Variants in DNAH9 observed in about 807,000 individuals in gnomAD.
The protein encoded by DNAH9 is DNAH9 variant protein.
In DNAH9, 345 loss-of-function variants were observed where a neutral mutation model predicts 471.6. The observed-to-expected ratio is 0.73, with a 90% CI of 0.67 to 0.80. DNAH9 has a LOEUF of 0.80. Among genes scored for constraint, DNAH9 ranks in the 30% least tolerant of loss-of-function variants. The pLI is 0.00. For synonymous variants in DNAH9, 2,093 were observed against 2,123.6 expected, an observed-to-expected ratio of 0.99 and a Z score of 0.40; for missense variants, 5,407 against 5,609.2, an observed-to-expected ratio of 0.96 and a Z score of 1.15.
Position 11,969,302 on chromosome 17 carries a change from T to C in DNAH9, c.13236T>C (p.Ala4412=). The C allele has an allele frequency of 6.2e-7, 1 of 1,613,838 alleles. No homozygotes were observed. The highest frequency in any genetic ancestry group is 8.5e-7 in the Non-Finnish European group (1 of 1,179,888). The part of the protein sequence containing the change: ...FMEGACWDTQ[A]GIITEAKLKD... The stretch of plus-strand genomic sequence containing the variant: ...CTCTTCTCATGTTTTATCCTCAGGC[T>C]GGGATCATTACAGAGGCAAAGCTGA... Residue 4412 remains alanine (A), a splice_region_variant and synonymous_variant, in exon 69 of 69, where the codon GCT becomes GCC. Transcript: ENST00000262442.
intron 31 of DNAH9, among the ~76,000 whole-genome samples, chr17:11,745,290 A>T (rs1567768715): frequency 6.6e-6 from 1 of 152,194 alleles, no homozygotes; most frequent in African/African-American, 2.4e-5. Context: ...AAGTTGGAGG[A>T]TCCTTACTTT....
At chr17:11,672,640 C>T (rs1003994819) in intron 17 of DNAH9, among the ~76,000 whole-genome samples, 5 of 152,158 alleles carry the variant, frequency 3.3e-5, no homozygotes, top group African/African-American at 1.2e-4. Flanking sequence ...TCCCTTCCCA[C>T]CCTTCCCACT....
intron 48 of DNAH9, among the ~76,000 whole-genome samples, chr17:11,829,045 T>G (rs1032346321): frequency 6.6e-6 from 1 of 151,528 alleles, no homozygotes; most frequent in Non-Finnish European, 1.5e-5. Flanking sequence ...GAGCTCAGAG[T>G]GGGGGTGGAG....
chr17:11,868,975 G>A (rs753246485), intron 50 of DNAH9, among the ~76,000 whole-genome samples, 159 bp from the exon 51 acceptor site: 13 of 152,234 alleles, frequency 8.5e-5, no homozygotes, highest in Admixed American at 5.2e-4. Flanking sequence ...CCCCGAATGT[G>A]CTTTCATTTC....
chr17:11,764,350 C>G (rs1201659440), intron 36 of DNAH9, among the ~76,000 whole-genome samples: 1 of 152,152 alleles, frequency 6.6e-6, no homozygotes, highest in Non-Finnish European at 1.5e-5. Context: ...CTATAACTGA[C>G]TCTAGCTATT....
chr17:11,719,234 T>G lies in DNAH9; in HGVS notation c.5553-100T>G, dbSNP rs112222358. On this transcript the variant is annotated intron_variant, in intron 26 of 68. Transcript: ENST00000262442. ...GAAAAAGGGGCAGGGCTCTTGGCTTTCTTTTCAGAAGCTATGCCAGATCTC... is the reference window on the plus strand; with the variant it reads ...GAAAAAGGGGCAGGGCTCTTGGCTTGCTTTTCAGAAGCTATGCCAGATCTC... The G allele has an allele frequency of 0.012, 15,466 of 1,250,166 alleles. 647 individuals are homozygous for G. The highest frequency in any genetic ancestry group is 0.1 in the South Asian group (6,979 of 68,624). The allele number at this position is 1,250,166 out of a possible 1,614,324, so 77.4% of individuals were successfully genotyped here.
Position 11,757,544 on chromosome 17 carries a change from G to A in DNAH9, c.6848-1G>A, listed in dbSNP as rs1281635283. ...CTAAACTGTATTCTCTGTGCTCACA[G>A]GGATCTTGTACATCAACCCGGCAGA... On this transcript the variant is annotated splice_acceptor_variant, in intron 34 of 68. Transcript: ENST00000262442. LOFTEE classifies it high-confidence loss of function. The A allele has an allele frequency of 6.2e-7, 1 of 1,612,228 alleles. No individual in the cohort carries two copies. Among genetic ancestry groups the A allele is most frequent in the East Asian group, 2.2e-5 (1 of 44,878 alleles).
chr17:11,722,871 A>G (rs1396509231), intron 27 of DNAH9, among the ~76,000 whole-genome samples: 2 of 152,126 alleles, frequency 1.3e-5, no homozygotes, highest in South Asian at 4.1e-4. Flanking sequence ...TGGAGATGCT[A>G]TTGCAGGGAC....
At chr17:11,654,985 CT>C in intron 14 of DNAH9, among the ~76,000 whole-genome samples, 1 of 152,150 alleles carries the variant, frequency 6.6e-6, no homozygotes, top group Middle Eastern at 3.4e-3. Context: ...TAATGTTTGC[CT>C]TTTGATAATT....
chr17:11,797,489 G>A, intron 42 of DNAH9, 108 bp from the exon 43 acceptor site: 1 of 855,268 alleles, frequency 1.2e-6, no homozygotes, highest in Non-Finnish European at 1.8e-6. Context: ...AAGTAGCACT[G>A]ATGCCTAATT....
chr17:11,881,345 G>A lies in DNAH9; in HGVS notation c.10738G>A (p.Asp3580Asn), dbSNP rs775152795. ...ATLINFTVTRDGLEDQLLAAV... is the reference protein window; with the variant it reads ...ATLINFTVTRNGLEDQLLAAV... ...CCTGATCAACTTCACCGTGACCAGG[G>A]ATGGCCTGGAGGACCAGTTGCTGGC... is the stretch of plus-strand genomic sequence containing the variant. The change falls in exon 55 of 69, where the codon GAT becomes AAT. Residue 3580 changes from aspartate to asparagine, a missense_variant. Physicochemically the swap from Asp to Asn is conservative, Grantham distance 23 (BLOSUM62 1). This residue lies in a region of DNAH9 where 4,636 missense variants were observed against 4,900.3 expected (regional missense o/e 0.95). Transcript: ENST00000262442. The A allele has an allele frequency of 1.2e-6, 2 of 1,614,144 alleles. No homozygotes were observed. The highest frequency in any genetic ancestry group is 3.3e-5 in the Admixed American group (2 of 60,030).
rs1348318997 is a variant in DNAH9 at position 11,969,168 on chromosome 17, T to G, written c.13234-132T>G. The G allele has an allele frequency of 5.5e-6, 4 of 724,844 alleles. No homozygotes were observed. The East Asian group carries it at 1.0e-4, about 18-fold the overall frequency. 44.9% of individuals were successfully genotyped at this position (724,844 alleles called of 1,614,324 possible). A position where few individuals can be genotyped will look rare whatever the true frequency, so the allele number is the denominator to read the frequency against. ...TCCATCAAAGGCTGCTGAGAAAACC[T>G]GGAAGGGGGCAGGCATAAAGGCAGC... is the stretch of plus-strand genomic sequence containing the variant. On this transcript the variant is annotated intron_variant, in intron 68 of 68. Transcript: ENST00000262442.
At chr17:11,953,965 T>A (rs140638330) in intron 67 of DNAH9, 1 of 151,904 alleles carries the variant, frequency 6.6e-6, no homozygotes, top group Non-Finnish European at 1.5e-5. Context: ...AATATTGATA[T>A]GAAAAAATGA....
intron 50 of DNAH9, among the ~76,000 whole-genome samples, chr17:11,865,300 A>C (rs1327480385): frequency 6.6e-6 from 1 of 151,994 alleles, no homozygotes; most frequent in Non-Finnish European, 1.5e-5. Context: ...GCTGGATATG[A>C]AATTCTGGGT....
At chr17:11,739,587 T>C (rs534123616) in intron 29 of DNAH9, among the ~76,000 whole-genome samples, 3 of 152,358 alleles carry the variant, frequency 2.0e-5, no homozygotes, top group Admixed American at 6.5e-5. Flanking sequence ...TTTTTAAGGC[T>C]CTTGATACAC....
At position 11,705,048 on chromosome 17, in the gene DNAH9, C is replaced by CT; in HGVS notation, c.5416dup (p.Trp1806LeufsTer11). 1 of 1,614,240 alleles carries CT rather than the reference C, an allele frequency of 6.2e-7. No individual in the cohort carries two copies. Among genetic ancestry groups the CT allele is most frequent in the Non-Finnish European group, 8.5e-7 (1 of 1,180,016 alleles). On this transcript the variant is annotated frameshift_variant, in exon 26 of 69. Transcript: ENST00000262442. LOFTEE classifies it high-confidence loss of function. Reference sequence around the variant, plus strand: ...AGGTAGACAATGCCCAGGCTTTCCTCTGGCTGTCTCAGCTGCGCCATCGTT... The same window carrying CT: ...AGGTAGACAATGCCCAGGCTTTCCTCTTGGCTGTCTCAGCTGCGCCATCGTT...
intron 60 of DNAH9, 57 bp downstream of exon 60, chr17:11,902,969 G>C: frequency 1.9e-6 from 3 of 1,549,536 alleles, no homozygotes; most frequent in Non-Finnish European, 2.6e-6. Flanking sequence ...GCAACCTCAG[G>C]ACAACTGGAC....
intron 2 of DNAH9, among the ~76,000 whole-genome samples, chr17:11,610,137 T>C (rs933605017): frequency 6.6e-6 from 1 of 152,200 alleles, no homozygotes; most frequent in Non-Finnish European, 1.5e-5. Context: ...TTCAGGATAT[T>C]GATGAGCCCT....
chr17:11,730,535 C>T (rs149781502), intron 28 of DNAH9, among the ~76,000 whole-genome samples: 3 of 152,272 alleles, frequency 2.0e-5, no homozygotes, highest in Non-Finnish European at 4.4e-5. Flanking sequence ...GGAATAATGC[C>T]AGTGTTCAAT....
Sources: allele counts gnomAD v4.1 joint callset (sites outside exome capture counted in the v4.1 genomes callset), GRCh38; gene constraint gnomAD v4.1.1; regional missense constraint gnomAD v4.1.1; transcripts MANE v1.5; gene names NCBI Gene and HGNC (gene_info 2026-07-23, HGNC 2026-07-21).